PTPRN2: variants seen among roughly 807,000 people sequenced by gnomAD.
The protein encoded by PTPRN2 is receptor-type tyrosine-protein phosphatase N2.
Under a neutral mutation model 118.8 loss-of-function variants are expected in PTPRN2, and 74 were observed. The ratio of observed to expected loss-of-function variants is 0.62; its 90% CI spans 0.52 to 0.76. The LOEUF (loss-of-function observed/expected upper bound fraction) is 0.76. PTPRN2 is among the 30% of genes least tolerant of loss of function. The pLI is 0.00. For missense variants in PTPRN2, 1,481 were observed against 1,394.4 expected, an observed-to-expected ratio of 1.06 and a Z score of -0.99; for synonymous variants, 641 against 608.0, an observed-to-expected ratio of 1.05 and a Z score of -0.80.
Position 158,574,127 on chromosome 7 carries a change from TTATAGATTTATGCATATTTTCAG to T in PTPRN2, c.112+13408_112+13430del, listed in dbSNP as rs1480466184. On this transcript the variant is annotated intron_variant, in intron 1 of 22. Transcript: ENST00000389418. The surrounding 1 kb of genome is among the most constrained non-coding windows in gnomAD (Gnocchi z 4.6). ...AAAATCATCGTTCGGACTTTCTCAA[TTATAGATTTATGCATATTTTCAG>T]TAGTGATGAGCACTGTTCTCAGCAT... 6.6e-6 allele frequency among the ~76,000 whole-genome samples: 1 copy of T among 152,216 alleles called. No homozygotes were observed. Among genetic ancestry groups the T allele is most frequent in the Non-Finnish European group, 1.5e-5 (1 of 68,038 alleles).
At chr7:157,660,712 G>A (rs1016478902) in intron 13 of PTPRN2, among the ~76,000 whole-genome samples, 9 of 152,164 alleles carry the variant, frequency 5.9e-5, no homozygotes, top group African/African-American at 2.2e-4. Flanking sequence ...AACTCTTGAC[G>A]GCTTGGCAAA....
chr7:158,480,255 T>C (rs920417399), intron 2 of PTPRN2, among the ~76,000 whole-genome samples: 35 of 152,206 alleles, frequency 2.3e-4, no homozygotes, highest in African/African-American at 8.2e-4. Context: ...TCCACAGTGT[T>C]GGATCCCTGA....
chr7:158,014,648 C>T (rs995897872), intron 11 of PTPRN2, among the ~76,000 whole-genome samples: 4 of 151,760 alleles, frequency 2.6e-5, no homozygotes, highest in Non-Finnish European at 4.4e-5. Context: ...ATCCATCATC[C>T]ATCATTCATC....
chr7:158,295,776 C>G (rs371987109), intron 3 of PTPRN2, among the ~76,000 whole-genome samples: 1 of 143,132 alleles, frequency 7.0e-6, no homozygotes, highest in Non-Finnish European at 1.5e-5. Flanking sequence ...ACTCTCCATC[C>G]GCACGGTTCA....
intron 11 of PTPRN2, among the ~76,000 whole-genome samples, chr7:158,006,253 G>A (rs1025699239): frequency 6.6e-6 from 1 of 152,192 alleles, no homozygotes; most frequent in Non-Finnish European, 1.5e-5. Context: ...CCTTTTTAGA[G>A]AGACAGATCC....
At chr7:157,641,456 C>T (rs367705524) in intron 14 of PTPRN2, among the ~76,000 whole-genome samples, 1 of 152,198 alleles carries the variant, frequency 6.6e-6, no homozygotes, top group Non-Finnish European at 1.5e-5. Context: ...CACTGCAATA[C>T]TCTGCAGTAT....
intron 13 of PTPRN2, among the ~76,000 whole-genome samples, chr7:157,657,874 CCACA>C (rs762577531): frequency 4.1e-5 from 5 of 122,416 alleles, no homozygotes; most frequent in Non-Finnish European, 6.9e-5. Flanking sequence ...TACACACACA[CCACA>C]CACACACACC....
intron 13 of PTPRN2, among the ~76,000 whole-genome samples, chr7:157,665,406 C>T (rs889182539): frequency 6.6e-6 from 1 of 152,216 alleles, no homozygotes; most frequent in Non-Finnish European, 1.5e-5. Context: ...GATGTAACCA[C>T]ATAACTCTTT....
Position 158,509,918 on chromosome 7 carries a change from T to C in PTPRN2, c.113-20133A>G, listed in dbSNP as rs1161287525. On this transcript the variant is annotated intron_variant, in intron 1 of 22. Transcript: ENST00000389418. This position sits in a 1 kb window ranked among gnomAD's most constrained non-coding sequence, Gnocchi z 4.4. ...CAAGGATGTTCATGGCCCTCAAATG[T>C]ACACTTGAGGCCAGGCTATGAGGGG... Among the ~76,000 whole-genome samples the C allele has an allele frequency of 1.3e-5, 2 of 152,108 alleles. No homozygotes were observed. Among genetic ancestry groups the C allele is most frequent in the Admixed American group, 1.3e-4 (2 of 15,278 alleles).
chr7:157,988,014 C>T (rs756193667), intron 11 of PTPRN2, among the ~76,000 whole-genome samples: 3 of 152,030 alleles, frequency 2.0e-5, no homozygotes, highest in South Asian at 2.1e-4. Context: ...GAACACTGTC[C>T]GGACATGCAG....
chr7:157,917,266 A>G lies in PTPRN2; in HGVS notation c.1724-18529T>C, dbSNP rs184471446. Among the ~76,000 whole-genome samples the G allele has an allele frequency of 6.3e-3, 960 of 152,372 alleles. 11 individuals carry two copies. The highest frequency in any genetic ancestry group is 0.022 in the African/African-American group (918 of 41,592). Reference sequence around the variant, plus strand: ...ATTTTAAAATGTCCTGTATGAAGCGAAGGCACTGAACACACTCCAGCCTGC... The same window carrying G: ...ATTTTAAAATGTCCTGTATGAAGCGGAGGCACTGAACACACTCCAGCCTGC... On this transcript the variant is annotated intron_variant, in intron 11 of 22. Transcript: ENST00000389418.
Position 157,893,055 on chromosome 7 carries a change from C to T in PTPRN2, c.1788+5618G>A, listed in dbSNP as rs1055450581. ...CATCTTTTGAAATGTAAAATGGCCA[C>T]GTGGAGAAGGATAATGCTCCAGGAG... On this transcript the variant is annotated intron_variant, in intron 12 of 22. Transcript: ENST00000389418. This position sits in a 1 kb window ranked among gnomAD's most constrained non-coding sequence, Gnocchi z 4.0. 1.3e-5 allele frequency among the ~76,000 whole-genome samples: 2 copies of T among 152,168 alleles called. No homozygotes were observed. The highest frequency in any genetic ancestry group is 4.8e-5 in the African/African-American group (2 of 41,430).
intron 12 of PTPRN2, among the ~76,000 whole-genome samples, chr7:157,774,466 T>G (rs1007566088): frequency 3.9e-5 from 6 of 152,254 alleles, no homozygotes; most frequent in African/African-American, 1.4e-4. Context: ...AATATTATTC[T>G]TCCCAACCAA....
intron 12 of PTPRN2, among the ~76,000 whole-genome samples, chr7:157,749,867 GCCTGTGTC>G: frequency 1.4e-5 from 2 of 146,586 alleles, no homozygotes; most frequent in East Asian, 2.1e-4. Flanking sequence ...TGATTCTGAG[GCCTGTGTC>G]CCTGCGCTGT....
At chr7:158,135,991 GACT>G (rs1281225116) in intron 8 of PTPRN2, among the ~76,000 whole-genome samples, 2 of 152,194 alleles carry the variant, frequency 1.3e-5, no homozygotes, top group African/African-American at 4.8e-5. Flanking sequence ...GAGGCTAAAA[GACT>G]TAACAGGGAA....
rs1795642432 is a variant in PTPRN2, at chr7:157,874,895, G to GTGCACATACACACACACTCA, written c.1788+23758_1788+23777dup. On this transcript the variant is annotated intron_variant, in intron 12 of 22. Coordinates refer to ENST00000389418, the MANE Select transcript of PTPRN2 (RefSeq NM_002847.5). This position sits in a 1 kb window ranked among gnomAD's most constrained non-coding sequence, Gnocchi z 5.8. ...CACATACACACACGGAGACACACTC[G>GTGCACATACACACACACTCA]TGCACATACACACACACTCATGCAC... 6.7e-6 allele frequency among the ~76,000 whole-genome samples: 1 copy of GTGCACATACACACACACTCA among 149,652 alleles called. No individual in the cohort carries two copies. Among genetic ancestry groups the GTGCACATACACACACACTCA allele is most frequent in the Non-Finnish European group, 1.5e-5 (1 of 67,400 alleles).
At chr7:158,580,525 C>T (rs1370340117) in intron 1 of PTPRN2, among the ~76,000 whole-genome samples, 2 of 152,178 alleles carry the variant, frequency 1.3e-5, no homozygotes, top group African/African-American at 4.8e-5. Context: ...ACCCACATCA[C>T]ATGATAGAAA....
intron 2 of PTPRN2, among the ~76,000 whole-genome samples, chr7:158,334,098 G>A (rs79274448): frequency 2.5e-4 from 15 of 59,630 alleles, no homozygotes; most frequent in Non-Finnish European, 3.7e-4. Context: ...CATAAGAGGT[G>A]ACACCTGCAG....
intron 9 of PTPRN2, among the ~76,000 whole-genome samples, chr7:158,120,468 T>C (rs1817069153): frequency 6.6e-6 from 1 of 152,162 alleles, no homozygotes; most frequent in Non-Finnish European, 1.5e-5. Context: ...CCAATCTCTA[T>C]TTCAGCAGAA....
Sources: gnomAD v4.1 joint callset for allele counts (sites outside exome capture counted in the v4.1 genomes callset) on GRCh38, gnomAD v4.1.1 for gene constraint, Gnocchi (gnomAD v3.1) non-coding constraint, MANE v1.5 for transcripts, NCBI Gene and HGNC (gene_info 2026-07-23, HGNC 2026-07-21) for gene names.